The following GALNTL6 variants were observed in gnomAD, a reference collection of about 807,000 sequenced individuals.
The protein encoded by GALNTL6 is polypeptide N-acetylgalactosaminyltransferase like 6, also known as polypeptide N-acetylgalactosaminyltransferase-like 6.
A neutral mutation model predicts 73.7 loss-of-function variants in GALNTL6; 46 were observed. The ratio of observed to expected loss-of-function variants is 0.62; its 90% confidence interval spans 0.49 to 0.80. The LOEUF is 0.80. Ranked by LOEUF, GALNTL6 falls within the 30% of genes least tolerant of loss-of-function variation. GALNTL6 has a pLI of 0.00. For missense variants in GALNTL6, 604 were observed against 755.0 expected (o/e 0.80, Z 2.34); for synonymous variants, 259 against 263.7 (o/e 0.98, Z 0.17).
intron 5 of GALNTL6, among the ~76,000 whole-genome samples, chr4:172,377,894 C>G (rs1246501260): frequency 6.6e-6 from 1 of 151,728 alleles, no homozygotes; most frequent in Non-Finnish European, 1.5e-5. Flanking sequence ...CTGCACGCAG[C>G]ACCAGATCCC....
intron 5 of GALNTL6, among the ~76,000 whole-genome samples, chr4:172,368,416 T>C (rs1742651284): frequency 6.6e-6 from 1 of 151,972 alleles, no homozygotes; most frequent in Non-Finnish European, 1.5e-5. Flanking sequence ...AACAAAATAA[T>C]AGTAGAATGT....
At chr4:172,792,812 T>C (rs941456680) in intron 5 of GALNTL6, among the ~76,000 whole-genome samples, 1 of 151,970 alleles carries the variant, frequency 6.6e-6, no homozygotes, top group Non-Finnish European at 1.5e-5. Context: ...TATTCCATGC[T>C]TTTTTATTCC....
intron 2 of GALNTL6, among the ~76,000 whole-genome samples, chr4:172,155,738 A>G (rs1415299554): frequency 6.6e-6 from 1 of 152,188 alleles, no homozygotes; most frequent in East Asian, 1.9e-4. Context: ...AATATTACTC[A>G]TTAGATCAGA....
chr4:172,586,333 C>A (rs1737406660), intron 5 of GALNTL6, among the ~76,000 whole-genome samples: 1 of 152,080 alleles, frequency 6.6e-6, no homozygotes, highest in South Asian at 2.1e-4. Context: ...CAGTTGTAAG[C>A]TGTAAAACCT....
At chr4:172,445,550 T>A (rs1366806919) in intron 5 of GALNTL6, among the ~76,000 whole-genome samples, 4 of 152,154 alleles carry the variant, frequency 2.6e-5, no homozygotes, top group Admixed American at 6.6e-5. Flanking sequence ...AGAGACAAAA[T>A]TAATTGAATA....
chr4:173,024,084 G>A lies in GALNTL6; in HGVS notation c.1638+2459G>A, dbSNP rs150622206. On this transcript the variant is annotated intron_variant, in intron 12 of 12. Coordinates refer to ENST00000506823, the MANE Select transcript of GALNTL6 (RefSeq NM_001034845.3). ...CAAGAAAATGCAATTGTTTTTATTA[G>A]GGAGCTTACAAAAGTTTACAGATGG... 3.7e-3 allele frequency among the ~76,000 whole-genome samples: 570 copies of A among 152,182 alleles called. 3 individuals are homozygous for A. The highest frequency in any genetic ancestry group is 0.012 in the African/African-American group (517 of 41,528).
chr4:171,936,958 C>A (rs968910494), intron 2 of GALNTL6, among the ~76,000 whole-genome samples: 1 of 152,122 alleles, frequency 6.6e-6, no homozygotes, highest in Non-Finnish European at 1.5e-5. Flanking sequence ...TCTCTAGCAA[C>A]ACCAAATGAA....
At chr4:172,365,047 A>G (rs557036217) in intron 5 of GALNTL6, among the ~76,000 whole-genome samples, 1 of 152,338 alleles carries the variant, frequency 6.6e-6, no homozygotes, top group East Asian at 1.9e-4. Context: ...AAGAGGAAAA[A>G]CATGAAAAAT....
At chr4:171,863,946 G>C (rs1735903902) in intron 2 of GALNTL6, among the ~76,000 whole-genome samples, 1 of 151,862 alleles carries the variant, frequency 6.6e-6, no homozygotes, top group Admixed American at 6.6e-5. Flanking sequence ...TATTTTTGTA[G>C]AGATGGGGTT....
At chr4:172,917,552 G>GA (rs1267328198) in intron 8 of GALNTL6, among the ~76,000 whole-genome samples, 1 of 151,890 alleles carries the variant, frequency 6.6e-6, no homozygotes, top group African/African-American at 2.4e-5. Context: ...AAATTTACAC[G>GA]AAAAAAACAA....
chr4:172,651,623 A>C lies in GALNTL6; in HGVS notation c.554-157738A>C, dbSNP rs562851878. ...AATAGTACCTTATTTCATCATATATAACAAACCATACATTGTAAGTTGTCA... is the reference window on the plus strand; with the variant it reads ...AATAGTACCTTATTTCATCATATATCACAAACCATACATTGTAAGTTGTCA... On this transcript the variant is annotated intron_variant, in intron 5 of 12. Transcript: ENST00000506823. Among the ~76,000 whole-genome samples, 65 of 152,334 alleles carry C rather than the reference A, an allele frequency of 4.3e-4. 1 individual carries two copies. The highest frequency in any genetic ancestry group is 8.4e-4 in the Non-Finnish European group (57 of 68,036).
At position 172,105,385 on chromosome 4, in the gene GALNTL6, G is replaced by T. The variant is rs146350419; in HGVS notation, c.139-124271G>T. 8.5e-3 allele frequency among the ~76,000 whole-genome samples: 1,296 copies of T among 151,922 alleles called. 5 individuals carry two copies. Among genetic ancestry groups the T allele is most frequent in the Admixed American group, 0.016 (250 of 15,266 alleles). ...AAATGCTCCAAAATCCCACTAGTGA[G>T]AATTAGTAAAGAAGAGAATAGAGCA... is the stretch of plus-strand genomic sequence containing the variant. On this transcript the variant is annotated intron_variant, in intron 2 of 12. Coordinates refer to ENST00000506823, the MANE Select transcript of GALNTL6 (RefSeq NM_001034845.3).
intron 8 of GALNTL6, among the ~76,000 whole-genome samples, chr4:172,919,158 C>T (rs1407316416): frequency 6.6e-6 from 1 of 152,122 alleles, no homozygotes; most frequent in Non-Finnish European, 1.5e-5. Flanking sequence ...GGATATTTGA[C>T]TTGCAAGAAG....
intron 5 of GALNTL6, among the ~76,000 whole-genome samples, chr4:172,443,214 G>A (rs1368151871): frequency 7.3e-6 from 1 of 136,694 alleles, no homozygotes; most frequent in African/African-American, 2.7e-5. Context: ...CCCCCAGGCT[G>A]GAGTGCAGTG....
Position 172,835,570 on chromosome 4 carries a change from T to C in GALNTL6, c.923+21847T>C, listed in dbSNP as rs144902179. 1.9e-3 allele frequency among the ~76,000 whole-genome samples: 289 copies of C among 152,336 alleles called. 1 individual carries two copies. Among genetic ancestry groups the C allele is most frequent in the African/African-American group, 6.6e-3 (274 of 41,576 alleles). ...GGATTTTATTCTTTAAATAAAACCATGAGAGGCTTTTGGGCAGCAAACCAC... is the reference window on the plus strand; with the variant it reads ...GGATTTTATTCTTTAAATAAAACCACGAGAGGCTTTTGGGCAGCAAACCAC... On this transcript the variant is annotated intron_variant, in intron 7 of 12. Coordinates refer to ENST00000506823, the MANE Select transcript of GALNTL6 (RefSeq NM_001034845.3).
chr4:171,932,098 T>C (rs1017474988), intron 2 of GALNTL6, among the ~76,000 whole-genome samples: 2 of 152,198 alleles, frequency 1.3e-5, no homozygotes, highest in African/African-American at 2.4e-5. Flanking sequence ...GCTGCTTCCC[T>C]AGAGTTAAGG....
intron 2 of GALNTL6, among the ~76,000 whole-genome samples, chr4:171,947,132 T>C (rs1738724942): frequency 6.6e-6 from 1 of 152,118 alleles, no homozygotes; most frequent in Non-Finnish European, 1.5e-5. Context: ...CTTTCCTCTT[T>C]AAATTCTTAT....
Position 172,552,133 on chromosome 4 carries a change from A to G in GALNTL6, c.553+203444A>G, listed in dbSNP as rs566409008. ...CATTATGATATCCTAGTAGAAATAAATTTTCGTTGAATAATCTAGCCCTTG... is the reference window on the plus strand; with the variant it reads ...CATTATGATATCCTAGTAGAAATAAGTTTTCGTTGAATAATCTAGCCCTTG... On this transcript the variant is annotated intron_variant, in intron 5 of 12. Transcript: ENST00000506823. Among the ~76,000 whole-genome samples the G allele has an allele frequency of 1.4e-4, 21 of 152,186 alleles. No homozygotes were observed. The South Asian group carries it at 4.1e-3, about 30-fold the overall frequency.
intron 2 of GALNTL6, among the ~76,000 whole-genome samples, chr4:172,163,904 G>A (rs916151297): frequency 6.6e-6 from 1 of 151,870 alleles, no homozygotes; most frequent in Non-Finnish European, 1.5e-5. Flanking sequence ...GAAAATATAG[G>A]AGTAATTTTT....
Sources: allele counts gnomAD v4.1 joint callset (sites outside exome capture counted in the v4.1 genomes callset), GRCh38; gene constraint gnomAD v4.1.1; transcripts MANE v1.5; gene names NCBI Gene and HGNC (gene_info 2026-07-23, HGNC 2026-07-21).